The following NR5A2 variants were observed in gnomAD, a reference collection of about 807,000 sequenced individuals.
The protein encoded by NR5A2 is nuclear receptor subfamily 5 group A member 2.
Under a neutral mutation model 62.7 loss-of-function variants are expected in NR5A2, and 26 were observed. That is an observed-to-expected ratio of 0.41 (90% CI 0.30 to 0.58). The LOEUF (loss-of-function observed/expected upper bound fraction) is 0.58, where lower values mean the gene tolerates loss of function less well. Among genes scored for constraint, NR5A2 ranks in the 20% least tolerant of loss-of-function variants. The pLI is 0.22. For missense variants in NR5A2, 541 were observed against 669.1 expected (o/e 0.81, Z 2.11); for synonymous variants, 246 against 241.7 (o/e 1.02, Z -0.16).
chr1:200,079,524 A>T (rs1276449139), intron 5 of NR5A2, among the ~76,000 whole-genome samples: 2 of 152,250 alleles, frequency 1.3e-5, no homozygotes, highest in Non-Finnish European at 2.9e-5. Flanking sequence ...CAGGCTTGAT[A>T]TATGGGCCTG....
rs1224579749 is a variant in NR5A2, at chr1:200,176,282, T to A, written c.*2072T>A. 1.3e-5 allele frequency: 2 copies of A among 152,674 alleles called. No individual in the cohort carries two copies. The highest frequency in any genetic ancestry group is 4.8e-5 in the African/African-American group (2 of 41,464). 9.5% of individuals were successfully genotyped at this position (152,674 alleles called of 1,614,324 possible). On this transcript the variant is annotated 3_prime_UTR_variant, in exon 8 of 8. Coordinates refer to ENST00000367362, the MANE Select transcript of NR5A2 (RefSeq NM_205860.3). ...AAAGATATTAGTTATTACTTCTGTG[T>A]GTACAAAGAGGATTATTTTATTATG...
chr1:200,076,345 T>C (rs994941811), intron 5 of NR5A2, among the ~76,000 whole-genome samples: 1 of 152,156 alleles, frequency 6.6e-6, no homozygotes, highest in Non-Finnish European at 1.5e-5. Flanking sequence ...CGGAAACAGA[T>C]GTTCACGGGA....
intron 1 of NR5A2, chr1:200,038,597 A>G (rs1661892530): frequency 2.7e-6 from 2 of 727,932 alleles, no homozygotes; most frequent in Non-Finnish European, 2.2e-6. Flanking sequence ...TTCTCCTTTC[A>G]ATGGTTTAAG....
chr1:200,077,973 A>C (rs559011728), intron 5 of NR5A2, among the ~76,000 whole-genome samples: 1 of 152,168 alleles, frequency 6.6e-6, no homozygotes, highest in Middle Eastern at 3.2e-3. Context: ...GAAATTTTGC[A>C]TGCAATCCCA....
At chr1:200,071,052 C>CT (rs978882558) in intron 5 of NR5A2, among the ~76,000 whole-genome samples, 32 of 152,124 alleles carry the variant, frequency 2.1e-4, no homozygotes, top group African/African-American at 7.7e-4. Context: ...ACAAGTCGTC[C>CT]TTTTTAGAGC....
At chr1:200,124,426 G>A (rs999491977) in intron 7 of NR5A2, among the ~76,000 whole-genome samples, 4 of 152,230 alleles carry the variant, frequency 2.6e-5, no homozygotes, top group East Asian at 3.9e-4. Context: ...GCTCTCTGAC[G>A]TTTCCCCCCT....
intron 2 of NR5A2, among the ~76,000 whole-genome samples, chr1:200,041,233 G>A (rs561116357): frequency 1.5e-5 from 2 of 136,484 alleles, no homozygotes; most frequent in Admixed American, 6.8e-5. Flanking sequence ...TTTTGAGAGC[G>A]GAGAGAGAAA....
intron 7 of NR5A2, among the ~76,000 whole-genome samples, chr1:200,161,930 G>A (rs998654728): frequency 1.3e-5 from 2 of 152,308 alleles, no homozygotes; most frequent in South Asian, 2.1e-4. Flanking sequence ...AGAAACATAA[G>A]TCAGAATCTC....
chr1:200,104,169 A>G (rs1449468516), intron 5 of NR5A2, among the ~76,000 whole-genome samples: 5 of 152,218 alleles, frequency 3.3e-5, no homozygotes, highest in Non-Finnish European at 1.5e-5. Flanking sequence ...TAGAAAGCAC[A>G]TTGGAATCAC....
At chr1:200,060,128 T>C (rs1249828899) in intron 5 of NR5A2, among the ~76,000 whole-genome samples, 1 of 152,168 alleles carries the variant, frequency 6.6e-6, no homozygotes, top group Non-Finnish European at 1.5e-5. Context: ...CTTTATCTTC[T>C]CCTCTCTCCT....
intron 5 of NR5A2, among the ~76,000 whole-genome samples, chr1:200,103,858 G>C (rs1277258146): frequency 6.6e-6 from 1 of 152,214 alleles, no homozygotes; most frequent in South Asian, 2.1e-4. Flanking sequence ...GGAACAGTGT[G>C]ACCAAAACAG....
intron 6 of NR5A2, among the ~76,000 whole-genome samples, chr1:200,116,068 T>C (rs1195439595): frequency 6.6e-6 from 1 of 152,042 alleles, no homozygotes; most frequent in Non-Finnish European, 1.5e-5. Flanking sequence ...CTGAAACAAA[T>C]GAAAATGTTT....
intron 1 of NR5A2, among the ~76,000 whole-genome samples, chr1:200,031,153 C>T (rs781773329): frequency 6.6e-5 from 10 of 152,152 alleles, no homozygotes; most frequent in Non-Finnish European, 1.0e-4. Context: ...ATCTCCAAAA[C>T]AGTGCTTCTC....
chr1:200,169,186 G>A lies in NR5A2; in HGVS notation c.1379-4777G>A, dbSNP rs570725516. 7.6e-4 allele frequency among the ~76,000 whole-genome samples: 115 copies of A among 151,916 alleles called. 1 individual carries two copies. The South Asian group carries it at 0.023, about 30-fold the overall frequency. The stretch of plus-strand genomic sequence containing the variant: ...ATGTCACCACTGCTTTTCTGCCTGG[G>A]TGACAGAACGAGACTCTGTCCCTAT... On this transcript the variant is annotated intron_variant, in intron 7 of 7. Transcript: ENST00000367362.
Position 200,039,882 on chromosome 1 carries a change from G to T in NR5A2, c.202+87G>T. On this transcript the variant is annotated intron_variant, in intron 2 of 7. Transcript: ENST00000367362. The surrounding 1 kb of genome is among the most constrained non-coding windows in gnomAD (Gnocchi z 5.1). ...CAGGCTTCAGCCTCCCGCCCCGCGC[G>T]GGCGCGGGAGTAGCCCCGCTGGGCG... 1 of 1,440,932 alleles carries T rather than the reference G, an allele frequency of 6.9e-7. No homozygotes were observed. The highest frequency in any genetic ancestry group is 9.1e-7 in the Non-Finnish European group (1 of 1,099,546). The allele number at this position is 1,440,932 out of a possible 1,614,324, so 89.3% of individuals were successfully genotyped here.
At chr1:200,138,134 G>A (rs181088843) in intron 7 of NR5A2, among the ~76,000 whole-genome samples, 4 of 152,038 alleles carry the variant, frequency 2.6e-5, no homozygotes, top group Non-Finnish European at 5.9e-5. Flanking sequence ...TTCATTCTCC[G>A]ATTGGTGGAT....
chr1:200,030,915 T>A (rs1333628194), intron 1 of NR5A2, among the ~76,000 whole-genome samples: 1 of 152,228 alleles, frequency 6.6e-6, no homozygotes, highest in African/African-American at 2.4e-5. Context: ...TCTGATTTTA[T>A]TTCAGTGATA....
intron 7 of NR5A2, among the ~76,000 whole-genome samples, chr1:200,158,414 G>A (rs16846147): frequency 0.38 from 57,510 of 151,992 alleles, 13,147 homozygotes; most frequent in African/African-American, 0.65. Flanking sequence ...TATTCTCAGA[G>A]ATTACAATTC....
chr1:200,087,261 CA>C (rs1316352356), intron 5 of NR5A2, among the ~76,000 whole-genome samples: 10 of 152,076 alleles, frequency 6.6e-5, no homozygotes, highest in South Asian at 6.2e-4. Context: ...CACACACACA[CA>C]CACACCCTTC....
Sources: allele counts gnomAD v4.1 joint callset (sites outside exome capture counted in the v4.1 genomes callset), GRCh38; gene constraint gnomAD v4.1.1; non-coding constraint Gnocchi (gnomAD v3.1); transcripts MANE v1.5; gene names NCBI Gene and HGNC (gene_info 2026-07-23, HGNC 2026-07-21).